COPZ2: variants seen among roughly 807,000 people sequenced by gnomAD.
COPZ2 encodes the protein coat protein complex I subunit zeta 2.
In COPZ2, 30 loss-of-function variants were observed where a neutral mutation model predicts 33.2. The observed-to-expected ratio is 0.90, with a 90% CI of 0.68 to 1.23. The LOEUF is 1.23. Ranked by LOEUF, COPZ2 falls within the 50% of genes most tolerant of loss-of-function variation. The pLI, the probability that COPZ2 is intolerant of heterozygous loss-of-function variation, is 0.00. For missense variants in COPZ2, 263 were observed against 262.4 expected (o/e 1.00, Z -0.02); for synonymous variants, 89 against 102.6 (o/e 0.87, Z 0.80).
At chr17:48,032,787 GAGA>G in intron 4 of COPZ2, 46 bp from the exon 5 acceptor site, 2 of 1,508,562 alleles carry the variant, frequency 1.3e-6, no homozygotes, top group African/African-American at 2.8e-5. Context: ...GTTTGAGATT[GAGA>G]AGGTCAAAAG....
intron 2 of COPZ2, among the ~76,000 whole-genome samples, chr17:48,035,678 C>T (rs951125448): frequency 6.6e-6 from 1 of 152,168 alleles, no homozygotes; most frequent in African/African-American, 2.4e-5. Context: ...CCCGCCTCGG[C>T]CTCCCAAAGT....
upstream of COPZ2, chr17:48,038,002 A>G (rs1177417532): frequency 5.8e-6 from 2 of 347,772 alleles, no homozygotes; most frequent in Non-Finnish European, 7.9e-6. Flanking sequence ...AGTCCCTTAC[A>G]TCCCCGAACT....
upstream of COPZ2, among the ~76,000 whole-genome samples, chr17:48,039,141 ATTTTTTAT>A (rs1221261134): frequency 1.3e-5 from 2 of 151,898 alleles, no homozygotes; most frequent in East Asian, 1.9e-4. Flanking sequence ...CTCCCAGGTA[ATTTTTTAT>A]TTTTTTATTT....
upstream of COPZ2, among the ~76,000 whole-genome samples, chr17:48,042,292 C>G (rs990630025): frequency 2.6e-5 from 4 of 152,054 alleles, no homozygotes; most frequent in Non-Finnish European, 5.9e-5. Flanking sequence ...CGCCACCACA[C>G]CCAGCTAATT....
chr17:48,032,728 G>T lies in COPZ2; in HGVS notation c.374C>A (p.Ser125Tyr). The T allele has an allele frequency of 6.3e-7, 1 of 1,593,726 alleles. No homozygotes were observed. The highest frequency in any genetic ancestry group is 1.1e-5 in the South Asian group (1 of 87,330). ...AGACTCAAACAGGCAGGTGAGAACAGACATGAGCATCAGCTGGGATGGGCA... is the reference window on the plus strand; with the variant it reads ...AGACTCAAACAGGCAGGTGAGAACATACATGAGCATCAGCTGGGATGGGCA... ...SSYENELMLM[S>Y]VLTCLFESLN... is the part of the protein sequence containing the mutation. The change falls in exon 5 of 9, where the codon TCT becomes TAT. Residue 125 changes from serine (S) to tyrosine (Y), a missense_variant. Coordinates refer to ENST00000621465, the MANE Select transcript of COPZ2 (RefSeq NM_016429.4).
chr17:48,029,336 C>G, intron 6 of COPZ2, 160 bp from the exon 7 acceptor site: 2 of 703,480 alleles, frequency 2.8e-6, no homozygotes, highest in Admixed American at 2.4e-5. Context: ...AACTCTCCCT[C>G]AGCATGGAGA....
upstream of COPZ2, among the ~76,000 whole-genome samples, chr17:48,041,727 G>T (rs1055001819): frequency 6.6e-6 from 1 of 151,918 alleles, no homozygotes; most frequent in Non-Finnish European, 1.5e-5. Flanking sequence ...TTATGTCAAT[G>T]GTCATGCTGG....
chr17:48,036,541 T>TTTGGG (rs536751506), intron 2 of COPZ2, among the ~76,000 whole-genome samples: 138 of 152,102 alleles, frequency 9.1e-4, no homozygotes, highest in African/African-American at 3.3e-3. Context: ...TGTGTGGGGG[T>TTTGGG]TTGGGGACTA....
chr17:48,042,142 CTTTTTTTT>C (rs908016156), upstream of COPZ2, among the ~76,000 whole-genome samples: 44 of 151,394 alleles, frequency 2.9e-4, no homozygotes, highest in Middle Eastern at 6.8e-3. Context: ...TTCTTTTTTT[CTTTTTTTT>C]GAGAAGGAGT....
At chr17:48,027,010 C>T (rs563189355) in intron 8 of COPZ2, among the ~76,000 whole-genome samples, 8 of 152,356 alleles carry the variant, frequency 5.3e-5, no homozygotes, top group African/African-American at 1.9e-4. Context: ...TAAGTGCACA[C>T]GTGCATGCAC....
In COPZ2 at chr17:48,037,148, G is replaced by A. The variant is rs760915724; in HGVS notation, c.112-223C>T. ...CAGGCCCCGAGTGGGCGCTGTGCCC[G>A]TTGGGTGCAGAAGGTCCTTCCGGGC... On this transcript the variant is annotated intron_variant, in intron 1 of 8. Coordinates refer to ENST00000621465, the MANE Select transcript of COPZ2 (RefSeq NM_016429.4). The surrounding 1 kb of genome is among the most constrained non-coding windows in gnomAD (Gnocchi z 5.6). 1.2e-5 allele frequency: 9 copies of A among 760,592 alleles called. No homozygotes were observed. Among genetic ancestry groups the A allele is most frequent in the South Asian group, 8.2e-5 (6 of 73,284 alleles). The allele number at this position is 760,592 out of a possible 1,614,324, so 47.1% of individuals were successfully genotyped here.
chr17:48,026,428 T>C lies in COPZ2; in HGVS notation c.633A>G (p.Ter211TrpextTer39). 1 of 1,612,628 alleles carries C rather than the reference T, an allele frequency of 6.2e-7. No homozygotes were observed. Among genetic ancestry groups the C allele is most frequent in the South Asian group, 1.1e-5 (1 of 91,052 alleles). The change falls in exon 9 of 9, where the codon TGA (stop) becomes TGG (tryptophan). Residue 211 changes from the stop codon to tryptophan, a stop_lost. Coordinates refer to ENST00000621465, the MANE Select transcript of COPZ2 (RefSeq NM_016429.4). ...GCAGGGAGCCTTGAATCCACAGCCT[T>C]CATTTCAATAACGACCATTTAATTT... ...KEQIKWSLLK[*>W]
At position 48,032,166 on chromosome 17, in the gene COPZ2, C is replaced by T. The variant is rs183311199; in HGVS notation, c.484G>A (p.Val162Met). The change falls in exon 6 of 9, where the codon GTG (valine) becomes ATG (methionine). Residue 162 changes from valine (V) to methionine (M), a missense_variant. Val to Met is a conservative substitution (Grantham distance 21). Coordinates refer to ENST00000621465, the MANE Select transcript of COPZ2 (RefSeq NM_016429.4). ...DGAFLVLDEIVDGGVILESDP... is the reference protein window; with the variant it reads ...DGAFLVLDEIMDGGVILESDP... Reference sequence around the variant, plus strand: ...CTGTCCCCTCCTCACCCGCCATCCACAATCTCGTCCAGCACCAAGAAGGCT... The same window carrying T: ...CTGTCCCCTCCTCACCCGCCATCCATAATCTCGTCCAGCACCAAGAAGGCT... The T allele has an allele frequency of 5.5e-4, 895 of 1,613,354 alleles. 2 individuals carry two copies. The highest frequency in any genetic ancestry group is 1.8e-3 in the South Asian group (163 of 90,824).
chr17:48,047,643 T>C, the COPZ2 span: 1 of 97,698 alleles, frequency 1.0e-5, no homozygotes, highest in Non-Finnish European at 2.0e-5. Flanking sequence ...CCGCCAACGT[T>C]CCGCCAACGT....
At chr17:48,043,654 G>C in the COPZ2 span, 1 of 671,168 alleles carries the variant, frequency 1.5e-6, no homozygotes, top group East Asian at 1.4e-4. Context: ...GTGGAGAGAG[G>C]ATTATTCAAG....
chr17:48,028,586 C>A lies in COPZ2; in HGVS notation c.547-76G>T. On this transcript the variant is annotated intron_variant, in intron 7 of 8. Transcript: ENST00000621465. This position sits in a 1 kb window ranked among gnomAD's most constrained non-coding sequence, Gnocchi z 4.5. The stretch of plus-strand genomic sequence containing the variant: ...GGGTCAGGGAGGTGAAGGAAAGGGG[C>A]TTGGGGGTATGGGTGAGGTGGTGCA... The A allele has an allele frequency of 7.0e-7, 1 of 1,434,288 alleles. No homozygotes were observed. Among genetic ancestry groups the A allele is most frequent in the South Asian group, 1.2e-5 (1 of 81,108 alleles). 88.8% of individuals were successfully genotyped at this position (1,434,288 alleles called of 1,614,324 possible). A position where few individuals can be genotyped will look rare whatever the true frequency, so the allele number is the denominator to read the frequency against.
chr17:48,038,732 A>G (rs532139552), upstream of COPZ2, among the ~76,000 whole-genome samples: 3 of 152,266 alleles, frequency 2.0e-5, no homozygotes, highest in African/African-American at 7.2e-5. Context: ...TTTCTTCCCT[A>G]TTCTTCTCTT....
At chr17:48,034,107 A>G (rs2036942440) in intron 2 of COPZ2, among the ~76,000 whole-genome samples, 163 bp from the exon 3 acceptor site, 2 of 152,114 alleles carry the variant, frequency 1.3e-5, no homozygotes, top group Admixed American at 1.3e-4. Context: ...TACTTCCTCC[A>G]AAACAAATTA....
chr17:48,045,964 C>T, the COPZ2 span: 3 of 152,208 alleles, frequency 2.0e-5, no homozygotes, highest in Non-Finnish European at 2.9e-5. Flanking sequence ...GAACTCTAGA[C>T]AGAATGGAAG....
Sources: allele counts gnomAD v4.1 joint callset (sites outside exome capture counted in the v4.1 genomes callset), GRCh38; gene constraint gnomAD v4.1.1; non-coding constraint Gnocchi (gnomAD v3.1); transcripts MANE v1.5; gene names NCBI Gene and HGNC (gene_info 2026-07-23, HGNC 2026-07-21).